The following AGAP1 variants were observed in gnomAD, a reference collection of about 807,000 sequenced individuals.
The protein encoded by AGAP1 is ArfGAP with GTPase domain, ankyrin repeat and PH domain 1.
A neutral mutation model predicts 105.3 loss-of-function variants in AGAP1; 29 were observed. The observed-to-expected ratio is 0.28, with a 90% confidence interval of 0.21 to 0.38. The LOEUF is 0.38. Ranked by LOEUF, AGAP1 falls within the 10% of genes least tolerant of loss-of-function variation. The pLI is 1.00. For synonymous variants in AGAP1, 509 were observed against 485.9 expected (o/e 1.05, Z -0.63); for missense variants, 998 against 1,165.1 (o/e 0.86, Z 2.09).
At chr2:235,938,767 C>T (rs2053110382) in intron 12 of AGAP1, among the ~76,000 whole-genome samples, 3 of 152,036 alleles carry the variant, frequency 2.0e-5, no homozygotes, top group African/African-American at 7.2e-5. Context: ...GCACATGAAG[C>T]GGAGGGCCGA....
chr2:235,814,142 G>A (rs1201357975), intron 9 of AGAP1, among the ~76,000 whole-genome samples: 2 of 152,198 alleles, frequency 1.3e-5, no homozygotes, highest in Non-Finnish European at 1.5e-5. Flanking sequence ...CTTGGAAAAT[G>A]CAGTGTTTGG....
chr2:235,735,915 C>T lies in AGAP1; in HGVS notation c.311-5048C>T, dbSNP rs75508503. Among the ~76,000 whole-genome samples, 1,292 of 151,984 alleles carry T rather than the reference C, an allele frequency of 8.5e-3. 27 individuals carry two copies. Among genetic ancestry groups the T allele is most frequent in the East Asian group, 0.027 (140 of 5,162 alleles). On this transcript the variant is annotated intron_variant, in intron 3 of 17. Transcript: ENST00000304032. ...CCGCTGTATCCCCAAGTAGCTCGGG[C>T]GAGGTGAGAGCACTCCATTCTGCTT...
At chr2:235,686,240 G>T (rs59530739) in intron 1 of AGAP1, among the ~76,000 whole-genome samples, 1 of 152,096 alleles carries the variant, frequency 6.6e-6, no homozygotes, top group East Asian at 1.9e-4. Flanking sequence ...CGGGGCACCC[G>T]CTGGGAGGGA....
At chr2:235,670,233 G>C (rs769875040) in intron 1 of AGAP1, 2 of 568,170 alleles carry the variant, frequency 3.5e-6, no homozygotes, top group South Asian at 1.9e-5. Context: ...GCCGCGCCGG[G>C]CTCCGGCGGC....
At position 235,716,291 on chromosome 2, in the gene AGAP1, G is replaced by T. The variant is rs1361601814; in HGVS notation, c.223-1266G>T. Among the ~76,000 whole-genome samples, 5 of 152,198 alleles carry T rather than the reference G, an allele frequency of 3.3e-5. No homozygotes were observed. The highest frequency in any genetic ancestry group is 2.6e-4 in the Admixed American group (4 of 15,288). On this transcript the variant is annotated intron_variant, in intron 2 of 17. Coordinates refer to ENST00000304032, the MANE Select transcript of AGAP1 (RefSeq NM_001037131.3). The surrounding 1 kb of genome is among the most constrained non-coding windows in gnomAD (Gnocchi z 4.0). The stretch of plus-strand genomic sequence containing the variant: ...AAGAACCCACAGGGCTGGGAGGGAG[G>T]TAGAGGCGGAAGCCAGTGTGAGAGT...
In AGAP1 at chr2:235,550,493, G is replaced by GC. The variant is rs1943769463; in HGVS notation, c.163+55647dup. On this transcript the variant is annotated intron_variant, in intron 1 of 17. Coordinates refer to ENST00000304032, the MANE Select transcript of AGAP1 (RefSeq NM_001037131.3). The surrounding 1 kb of genome is among the most constrained non-coding windows in gnomAD (Gnocchi z 4.6). ...GCCATTCACAGCAGTGTCAGTGCCT[G>GC]CCCAGAGTGTGCTAGAATGCCAGTT... Among the ~76,000 whole-genome samples the GC allele has an allele frequency of 6.6e-6, 1 of 152,168 alleles. No homozygotes were observed. The highest frequency in any genetic ancestry group is 6.5e-5 in the Admixed American group (1 of 15,278).
rs3834112 is a variant in AGAP1 at position 235,723,765 on chromosome 2, CGTTGGTTGGTTGGTTG to C, written c.310+6144_310+6159del. Among the ~76,000 whole-genome samples, 6 of 150,008 alleles carry C rather than the reference CGTTGGTTGGTTGGTTG, an allele frequency of 4.0e-5. No individual in the cohort carries two copies. Among genetic ancestry groups the C allele is most frequent in the Admixed American group, 1.3e-4 (2 of 15,050 alleles). On this transcript the variant is annotated intron_variant, in intron 3 of 17. Coordinates refer to ENST00000304032, the MANE Select transcript of AGAP1 (RefSeq NM_001037131.3). The surrounding 1 kb of genome is among the most constrained non-coding windows in gnomAD (Gnocchi z 6.2). The stretch of plus-strand genomic sequence containing the variant: ...ATATGGATTGAGTGGGAGCTTTTAT[CGTTGGTTGGTTGGTTG>C]GTTGGTTGGTTGGTTGGTTGGTCGA...
chr2:235,687,921 A>ATTTC (rs1949546461), intron 1 of AGAP1, among the ~76,000 whole-genome samples: 1 of 6,706 alleles, frequency 1.5e-4, no homozygotes, highest in African/African-American at 7.7e-4. Flanking sequence ...TTTTTTTTTG[A>ATTTC]GATGGAGTCT....
At chr2:235,924,719 A>G (rs1299784169) in intron 11 of AGAP1, among the ~76,000 whole-genome samples, 1 of 152,172 alleles carries the variant, frequency 6.6e-6, no homozygotes, top group African/African-American at 2.4e-5. Context: ...ACAGTAACTC[A>G]TGTTGTAAGA....
At chr2:235,854,214 A>C (rs2048591928) in intron 9 of AGAP1, among the ~76,000 whole-genome samples, 1 of 152,156 alleles carries the variant, frequency 6.6e-6, no homozygotes, top group Non-Finnish European at 1.5e-5. Flanking sequence ...ACCGGTGATC[A>C]AGTGTTGACA....
At position 236,055,359 on chromosome 2, in the gene AGAP1, T is replaced by G. The variant is rs115353932; in HGVS notation, c.2114+6078T>G. 7.4e-3 allele frequency among the ~76,000 whole-genome samples: 1,121 copies of G among 152,356 alleles called. 11 individuals are homozygous for G. Among genetic ancestry groups the G allele is most frequent in the African/African-American group, 0.025 (1,032 of 41,574 alleles). On this transcript the variant is annotated intron_variant, in intron 16 of 17. Coordinates refer to ENST00000304032, the MANE Select transcript of AGAP1 (RefSeq NM_001037131.3). This position sits in a 1 kb window ranked among gnomAD's most constrained non-coding sequence, Gnocchi z 6.2. ...ATGTGCCTTGTTTTCATGTGTTTCT[T>G]TCAGTGCTCTCAGGGAGAATTCTGT...
In AGAP1 at chr2:236,050,093, A is replaced by G. The variant is rs889070176; in HGVS notation, c.2114+812A>G. Among the ~76,000 whole-genome samples the G allele has an allele frequency of 6.6e-6, 1 of 152,196 alleles. No individual in the cohort carries two copies. Among genetic ancestry groups the G allele is most frequent in the African/African-American group, 2.4e-5 (1 of 41,440 alleles). Reference sequence around the variant, plus strand: ...GTTTGCCTCTCAGGTGTCTGAAGAGATGAAGGGAGAGGAGAGGTCTCCCAT... The same window carrying G: ...GTTTGCCTCTCAGGTGTCTGAAGAGGTGAAGGGAGAGGAGAGGTCTCCCAT... On this transcript the variant is annotated intron_variant, in intron 16 of 17. Transcript: ENST00000304032. This position sits in a 1 kb window ranked among gnomAD's most constrained non-coding sequence, Gnocchi z 4.0.
Position 236,040,097 on chromosome 2 carries a change from C to A in AGAP1, c.1801-654C>A, listed in dbSNP as rs1029068054. ...CTGCACCCCAGCCTCAGCCACAGAG[C>A]GAGACACTGGCTCAAAAAATAATAA... On this transcript the variant is annotated intron_variant, in intron 14 of 17. Coordinates refer to ENST00000304032, the MANE Select transcript of AGAP1 (RefSeq NM_001037131.3). The surrounding 1 kb of genome is among the most constrained non-coding windows in gnomAD (Gnocchi z 5.6). Among the ~76,000 whole-genome samples, 2 of 151,810 alleles carry A rather than the reference C, an allele frequency of 1.3e-5. No individual in the cohort carries two copies. Among genetic ancestry groups the A allele is most frequent in the Non-Finnish European group, 2.9e-5 (2 of 67,978 alleles).
chr2:236,075,277 G>A (rs1289267214), intron 16 of AGAP1, among the ~76,000 whole-genome samples: 1 of 152,126 alleles, frequency 6.6e-6, no homozygotes, highest in Non-Finnish European at 1.5e-5. Flanking sequence ...AATCACTGAA[G>A]TGTATCCCTA....
At chr2:235,925,974 G>A (rs187686114) in intron 11 of AGAP1, among the ~76,000 whole-genome samples, 251 of 152,258 alleles carry the variant, frequency 1.6e-3, no homozygotes, top group Non-Finnish European at 7.2e-4. Context: ...AGTTGCCCTC[G>A]AGTACTTTGA....
At chr2:236,018,758 TC>T (rs767652421) in intron 13 of AGAP1, among the ~76,000 whole-genome samples, 24 of 152,100 alleles carry the variant, frequency 1.6e-4, no homozygotes, top group Admixed American at 1.6e-3. Context: ...TGGCCTAAAG[TC>T]CCAATTCGAG....
intron 13 of AGAP1, among the ~76,000 whole-genome samples, chr2:235,999,280 A>G (rs1233189080): frequency 2.2e-5 from 3 of 135,862 alleles, no homozygotes; most frequent in Admixed American, 7.2e-5. Context: ...TGTGGTGACG[A>G]TGCTGAGAGG....
At chr2:235,679,192 T>G (rs1278666018) in intron 1 of AGAP1, among the ~76,000 whole-genome samples, 1 of 152,238 alleles carries the variant, frequency 6.6e-6, no homozygotes, top group African/African-American at 2.4e-5. Flanking sequence ...TTCTGCCTAG[T>G]TATCTACATC....
intron 6 of AGAP1, among the ~76,000 whole-genome samples, chr2:235,772,992 A>C (rs1239144899): frequency 6.6e-6 from 1 of 152,180 alleles, no homozygotes; most frequent in African/African-American, 2.4e-5. Flanking sequence ...AAGCAGATCA[A>C]CTTACTATTG....
Sources: allele counts gnomAD v4.1 joint callset (sites outside exome capture counted in the v4.1 genomes callset), GRCh38; gene constraint gnomAD v4.1.1; non-coding constraint Gnocchi (gnomAD v3.1); transcripts MANE v1.5; gene names NCBI Gene and HGNC (gene_info 2026-07-23, HGNC 2026-07-21).